Variants in IKZF4 observed in about 807,000 individuals in gnomAD.
IKZF4 encodes the protein IKAROS family zinc finger 4, also known as zinc finger protein Eos.
In IKZF4, 11 loss-of-function variants were observed where a neutral mutation model predicts 47.7. That is an observed-to-expected ratio of 0.23 (90% CI 0.15 to 0.38). IKZF4 has a LOEUF of 0.38. Ranked by LOEUF, IKZF4 falls within the 10% of genes least tolerant of loss-of-function variation. IKZF4 has a pLI of 1.00. For synonymous variants in IKZF4, 298 were observed against 299.4 expected (o/e 1.00, Z 0.05); for missense variants, 557 against 784.9 (o/e 0.71, Z 3.47).
At chr12:56,034,034 G>A (rs536744915) in intron 7 of IKZF4, among the ~76,000 whole-genome samples, 2 of 152,118 alleles carry the variant, frequency 1.3e-5, no homozygotes, top group South Asian at 4.2e-4. Context: ...CGAGTAGCTG[G>A]GACTACAGAC....
rs370487698 is a variant in IKZF4, at chr12:56,033,473, C to T, written c.997+152C>T. Among the ~76,000 whole-genome samples, 38 of 152,120 alleles carry T rather than the reference C, an allele frequency of 2.5e-4. No individual in the cohort carries two copies. The East Asian group carries it at 5.0e-3, about 20-fold the overall frequency. Reference sequence around the variant, plus strand: ...CTGTAATCCCAGCACTTTGGGAGGCCAAGGTGGGCAGATCAAGAGGTCAGA... The same window carrying T: ...CTGTAATCCCAGCACTTTGGGAGGCTAAGGTGGGCAGATCAAGAGGTCAGA... On this transcript the variant is annotated intron_variant, in intron 7 of 7. Transcript: ENST00000547167.
chr12:56,011,844 G>A (rs1180023633), intron 2 of IKZF4: 1 of 152,200 alleles, frequency 6.6e-6, no homozygotes, highest in East Asian at 1.9e-4. Context: ...CTTGCAGACA[G>A]TGGCTAATTC....
Position 56,021,205 on chromosome 12 carries a change from T to A in IKZF4, c.-289T>A. The A allele has an allele frequency of 7.4e-7, 1 of 1,355,506 alleles. No individual in the cohort carries two copies. Among genetic ancestry groups the A allele is most frequent in the Non-Finnish European group, 9.5e-7 (1 of 1,050,788 alleles). The allele number at this position is 1,355,506 out of a possible 1,614,324, so 84.0% of individuals were successfully genotyped here. A position where few individuals can be genotyped will look rare whatever the true frequency, so the allele number is the denominator to read the frequency against. On this transcript the variant is annotated 5_prime_UTR_variant, in exon 1 of 8. Coordinates refer to ENST00000547167, the MANE Select transcript of IKZF4 (RefSeq NM_022465.4). ...GTAGCCTAGCATCTCCCCCACTATA[T>A]ACACATATACATTCTCTCCAGCCCC... is the stretch of plus-strand genomic sequence containing the variant.
intron 4 of IKZF4, among the ~76,000 whole-genome samples, chr12:56,027,388 G>C (rs954444484): frequency 3.9e-5 from 6 of 151,980 alleles, no homozygotes; most frequent in Non-Finnish European, 7.4e-5. Context: ...GGTATTCTTT[G>C]GGCCCTCCCA....
At chr12:56,024,416 T>G (rs1486746770) in intron 2 of IKZF4, among the ~76,000 whole-genome samples, 2 of 152,222 alleles carry the variant, frequency 1.3e-5, no homozygotes, top group Non-Finnish European at 2.9e-5. Flanking sequence ...AGTTCCACAC[T>G]AGCAGCTATG....
chr12:56,028,608 T>C (rs1894438818), intron 5 of IKZF4, among the ~76,000 whole-genome samples: 1 of 148,864 alleles, frequency 6.7e-6, no homozygotes, highest in Non-Finnish European at 1.5e-5. Context: ...TTCAAGACGG[T>C]GTCTCACACT....
In IKZF4 at chr12:56,037,218, A is replaced by C. The variant is rs951911549; in HGVS notation, c.*1887A>C. The stretch of plus-strand genomic sequence containing the variant: ...CTCTTTGTCCTCCTTTTTCTCCCCC[A>C]CTCTGAGGTTTCCCCAAGAGAACCA... On this transcript the variant is annotated 3_prime_UTR_variant, in exon 8 of 8. Coordinates refer to ENST00000547167, the MANE Select transcript of IKZF4 (RefSeq NM_022465.4). 3.3e-5 allele frequency: 5 copies of C among 152,340 alleles called. No individual in the cohort carries two copies. The East Asian group carries it at 9.7e-4, about 29-fold the overall frequency. 9.4% of individuals were successfully genotyped at this position (152,340 alleles called of 1,614,324 possible).
At chr12:56,020,365 C>T (rs1465107044), upstream of IKZF4, among the ~76,000 whole-genome samples, 1 of 152,228 alleles carries the variant, frequency 6.6e-6, no homozygotes, top group Non-Finnish European at 1.5e-5. Flanking sequence ...CCACCCCCTC[C>T]ATTTTCCTAT....
chr12:56,033,789 G>A (rs1266352338), intron 7 of IKZF4, among the ~76,000 whole-genome samples: 1 of 152,206 alleles, frequency 6.6e-6, no homozygotes, highest in Non-Finnish European at 1.5e-5. Flanking sequence ...AGGACAGGAG[G>A]AAAGTAAAGA....
At chr12:56,032,823 G>C in intron 6 of IKZF4, 113 bp downstream of exon 6, 1 of 1,239,256 alleles carries the variant, frequency 8.1e-7, no homozygotes, top group East Asian at 2.3e-5. Context: ...TGGAACAGGG[G>C]ATGATTACCC....
chr12:56,026,558 A>G (rs1894032973), intron 3 of IKZF4, among the ~76,000 whole-genome samples: 1 of 151,852 alleles, frequency 6.6e-6, no homozygotes, highest in Non-Finnish European at 1.5e-5. Context: ...GTGTGATGGT[A>G]CATGCCTGTA....
intron 5 of IKZF4, among the ~76,000 whole-genome samples, chr12:56,031,240 G>C (rs1483282316): frequency 6.6e-6 from 1 of 152,136 alleles, no homozygotes; most frequent in East Asian, 1.9e-4. Flanking sequence ...AACAGAGTAA[G>C]ACTCTGTCTC....
Position 56,035,086 on chromosome 12 carries a change from T to C in IKZF4, c.1513T>C (p.Leu505=), listed in dbSNP as rs555560308. 19 of 1,601,740 alleles carry C rather than the reference T, an allele frequency of 1.2e-5. 1 individual carries two copies. The highest frequency in any genetic ancestry group is 3.3e-4 in the Middle Eastern group (2 of 6,000). Residue 505 remains leucine (L), a synonymous_variant, in exon 8 of 8, where the codon TTA becomes CTA. Transcript: ENST00000547167. This position sits in a 1 kb window ranked among gnomAD's most constrained non-coding sequence, Gnocchi z 6.1. ...AGAGGACCCCAAGCCACAGGAGGGG[T>C]TATTGCGGGGCACCCCAGGCCCCTC... is the stretch of plus-strand genomic sequence containing the variant. ...AKEDPKPQEG[L]LRGTPGPSKE...
At chr12:56,033,474 A>G (rs976127069) in intron 7 of IKZF4, among the ~76,000 whole-genome samples, 153 bp downstream of exon 7, 5 of 152,238 alleles carry the variant, frequency 3.3e-5, no homozygotes, top group Non-Finnish European at 7.4e-5. Flanking sequence ...TTGGGAGGCC[A>G]AGGTGGGCAG....
rs564198371 is a variant in IKZF4, at chr12:56,009,043, G to T, written c.-292+1309G>T. On this transcript the variant is annotated intron_variant, in intron 1 of 11. Coordinates refer to the IKZF4 transcript ENST00000262032. Reference sequence around the variant, plus strand: ...CTCATGAACAAAACTGTCTATTGTTGTTACTCTTGTCAACCCTCGCTTATA... The same window carrying T: ...CTCATGAACAAAACTGTCTATTGTTTTTACTCTTGTCAACCCTCGCTTATA... 5.3e-5 allele frequency among the ~76,000 whole-genome samples: 8 copies of T among 152,120 alleles called. 1 individual carries two copies. The highest frequency in any genetic ancestry group is 1.9e-4 in the African/African-American group (8 of 41,504).
At chr12:56,012,603 A>G (rs1484971398) in intron 2 of IKZF4, among the ~76,000 whole-genome samples, 1 of 149,328 alleles carries the variant, frequency 6.7e-6, no homozygotes, top group African/African-American at 2.5e-5. Context: ...TTAGTGTCTC[A>G]GTGTGTTGCC....
At chr12:56,015,935 A>G (rs1891987879) in intron 2 of IKZF4, among the ~76,000 whole-genome samples, 1 of 152,174 alleles carries the variant, frequency 6.6e-6, no homozygotes, top group Non-Finnish European at 1.5e-5. Flanking sequence ...CTAGTGGTCC[A>G]GTCCCAAAGT....
chr12:56,015,773 T>A (rs960288844), intron 2 of IKZF4, among the ~76,000 whole-genome samples: 1 of 152,166 alleles, frequency 6.6e-6, no homozygotes, highest in Non-Finnish European at 1.5e-5. Context: ...GGCCCCTCAA[T>A]ACCAGACTGC....
At chr12:56,018,243 G>C (rs1892388441), upstream of IKZF4, 1 of 1,200,068 alleles carries the variant, frequency 8.3e-7, no homozygotes, top group African/African-American at 1.6e-5. Context: ...GAGCAGAGCA[G>C]AGAGCCTTCA....
Sources: allele counts gnomAD v4.1 joint callset (sites outside exome capture counted in the v4.1 genomes callset), GRCh38; gene constraint gnomAD v4.1.1; non-coding constraint Gnocchi (gnomAD v3.1); transcripts MANE v1.5; gene names NCBI Gene and HGNC (gene_info 2026-07-23, HGNC 2026-07-21).